The following NEK11 variants were observed in gnomAD, a reference collection of about 807,000 sequenced individuals.
NEK11 encodes the protein serine/threonine-protein kinase Nek11.
In NEK11, 72 loss-of-function variants were observed where a neutral mutation model predicts 80.7. The ratio of observed to expected loss-of-function variants is 0.89; its 90% CI spans 0.74 to 1.08. The LOEUF is 1.08. Among genes scored for constraint, NEK11 ranks in the 50% least tolerant of loss-of-function variants. NEK11 has a pLI of 0.00. For synonymous variants in NEK11, 251 were observed against 260.7 expected, an observed-to-expected ratio of 0.96 and a Z score of 0.36; for missense variants, 764 against 763.6, an observed-to-expected ratio of 1.00 and a Z score of -0.01.
intron 14 of NEK11, among the ~76,000 whole-genome samples, chr3:131,203,305 C>G (rs2094312717): frequency 1.3e-5 from 2 of 151,778 alleles, no homozygotes; most frequent in Admixed American, 6.6e-5. Flanking sequence ...TGGAAACCAT[C>G]ATTCTCAGCA....
At chr3:131,028,722 C>A (rs1274443516) in intron 2 of NEK11, among the ~76,000 whole-genome samples, 1 of 152,050 alleles carries the variant, frequency 6.6e-6, no homozygotes, top group Admixed American at 6.5e-5. Flanking sequence ...CTACAATGCC[C>A]GGCTAATTTT....
intron 17 of NEK11, among the ~76,000 whole-genome samples, chr3:131,338,728 A>C (rs535459645): frequency 4.7e-4 from 71 of 152,336 alleles, no homozygotes; most frequent in African/African-American, 1.7e-3. Flanking sequence ...GTTAATTGAA[A>C]GGCACCAGTT....
rs529376029 is a variant in NEK11, at chr3:131,310,814, ACTGTGCC to A, written c.1718+37243_1718+37249del. Among the ~76,000 whole-genome samples the A allele has an allele frequency of 5.4e-4, 83 of 152,300 alleles. 1 individual carries two copies. The highest frequency in any genetic ancestry group is 4.1e-3 in the South Asian group (20 of 4,828). On this transcript the variant is annotated intron_variant, in intron 17 of 17. Transcript: ENST00000383366. ...ACCTTAGGCAGTTTGCATCACCCAG[ACTGTGCC>A]CTAAAATGAAGGTGTTTCATTTTTT...
At chr3:131,190,205 A>G (rs1458418325) in intron 14 of NEK11, among the ~76,000 whole-genome samples, 1 of 152,218 alleles carries the variant, frequency 6.6e-6, no homozygotes, top group African/African-American at 2.4e-5. Flanking sequence ...CTCAAAAACT[A>G]CTGTTCGAGC....
In NEK11 at chr3:131,107,302, A is replaced by AAGCGATACAT. The variant is rs571492511; in HGVS notation, c.337-2500_337-2491dup. On this transcript the variant is annotated intron_variant, in intron 4 of 17. Transcript: ENST00000383366. Reference sequence around the variant, plus strand: ...ATTGTGCTTATTTTTGGTGTTTTTAAAGCGATACATTGGGTTGACATACGT... The same window carrying AAGCGATACAT: ...ATTGTGCTTATTTTTGGTGTTTTTAAAGCGATACATAGCGATACATTGGGTTGACATACGT... Among the ~76,000 whole-genome samples, 318 of 152,182 alleles carry AAGCGATACAT rather than the reference A, an allele frequency of 2.1e-3. 1 individual carries two copies. The highest frequency in any genetic ancestry group is 7.4e-3 in the African/African-American group (308 of 41,550).
intron 14 of NEK11, chr3:131,175,271 T>C (rs1224157575): frequency 7.1e-6 from 2 of 280,334 alleles, no homozygotes; most frequent in Non-Finnish European, 1.1e-5. Flanking sequence ...TATCTGAAAA[T>C]GCATCTACAA....
chr3:131,283,636 C>T lies in NEK11; in HGVS notation c.1718+10062C>T, dbSNP rs1306136230. On this transcript the variant is annotated intron_variant, in intron 17 of 17. Transcript: ENST00000383366. ...TTCTGTTTCACTGATTGAAGTAACC[C>T]TTTAATGGAGAAACAGATGCAGTGA... 4.6e-5 allele frequency among the ~76,000 whole-genome samples: 7 copies of T among 152,152 alleles called. 1 individual carries two copies. In the South Asian group the frequency reaches 8.3e-4, roughly 18 times the overall value.
intron 17 of NEK11, among the ~76,000 whole-genome samples, chr3:131,316,180 A>C (rs995922339): frequency 2.0e-5 from 3 of 152,200 alleles, no homozygotes; most frequent in Non-Finnish European, 4.4e-5. Context: ...TTTCTACTTA[A>C]ACAGAACTTT....
intron 14 of NEK11, among the ~76,000 whole-genome samples, chr3:131,227,543 C>T (rs1561079515): frequency 6.6e-6 from 1 of 152,070 alleles, no homozygotes; most frequent in Non-Finnish European, 1.5e-5. Flanking sequence ...GATTTTCTGA[C>T]CCCAAATTTC....
intron 17 of NEK11, among the ~76,000 whole-genome samples, chr3:131,322,951 G>A (rs1189934565): frequency 6.6e-6 from 1 of 152,124 alleles, no homozygotes; most frequent in Non-Finnish European, 1.5e-5. Flanking sequence ...AGGAAACTTT[G>A]GAGATTATAT....
intron 17 of NEK11, among the ~76,000 whole-genome samples, chr3:131,336,296 C>G (rs1444790307): frequency 6.6e-6 from 1 of 152,122 alleles, no homozygotes; most frequent in African/African-American, 2.4e-5. Context: ...CAGAACAGAG[C>G]CCTCAGAAAT....
chr3:131,087,235 C>CTT (rs59630167), intron 4 of NEK11, among the ~76,000 whole-genome samples: 1,096 of 81,168 alleles, frequency 0.014, 21 homozygotes, highest in Middle Eastern at 0.021. Flanking sequence ...TATGCAAATT[C>CTT]TTTTTTTTTT....
intron 16 of NEK11, among the ~76,000 whole-genome samples, chr3:131,248,199 C>T (rs1445103830): frequency 1.3e-5 from 2 of 151,990 alleles, no homozygotes; most frequent in African/African-American, 4.8e-5. Context: ...TTCAACTTTT[C>T]CCCATTCAGT....
chr3:131,095,510 T>C (rs1196288634), intron 4 of NEK11, among the ~76,000 whole-genome samples: 2 of 152,082 alleles, frequency 1.3e-5, no homozygotes, highest in Non-Finnish European at 2.9e-5. Context: ...CAAGAAAATT[T>C]TGTTTCCTTT....
intron 3 of NEK11, among the ~76,000 whole-genome samples, chr3:131,033,511 A>G (rs947527139): frequency 1.3e-5 from 2 of 152,226 alleles, no homozygotes; most frequent in Non-Finnish European, 2.9e-5. Flanking sequence ...AGGAATGACA[A>G]TAAGTTTGTA....
chr3:131,108,177 C>G (rs1025640760), intron 4 of NEK11, among the ~76,000 whole-genome samples: 2 of 152,064 alleles, frequency 1.3e-5, no homozygotes, highest in African/African-American at 2.4e-5. Flanking sequence ...AGAGAAAATG[C>G]TAAGCAAATA....
At chr3:131,205,052 G>T (rs968774142) in intron 14 of NEK11, among the ~76,000 whole-genome samples, 12 of 152,178 alleles carry the variant, frequency 7.9e-5, no homozygotes, top group African/African-American at 2.9e-4. Flanking sequence ...AGGAGGCCAA[G>T]TGGACTGGCG....
At chr3:131,288,561 T>G (rs776909943) in intron 17 of NEK11, among the ~76,000 whole-genome samples, 1 of 150,844 alleles carries the variant, frequency 6.6e-6, no homozygotes, top group South Asian at 2.1e-4. Flanking sequence ...CAAGCGATTC[T>G]CCTGCCTCAG....
rs372168125 is a variant in NEK11, at chr3:131,168,940, A to G, written c.1284+3A>G. On this transcript the variant is annotated splice_donor_region_variant and intron_variant, in intron 13 of 17. Transcript: ENST00000383366. ...AGAGGTGGCAAGGCAGGGAAGAGGC[A>G]AGTTTAATCATATTCACAAGCACAA... 20 of 1,609,010 alleles carry G rather than the reference A, an allele frequency of 1.2e-5. No individual in the cohort carries two copies. The African/African-American group carries it at 2.0e-4, about 16-fold the overall frequency.
Sources: allele counts gnomAD v4.1 joint callset (sites outside exome capture counted in the v4.1 genomes callset), GRCh38; gene constraint gnomAD v4.1.1; transcripts MANE v1.5; gene names NCBI Gene and HGNC (gene_info 2026-07-23, HGNC 2026-07-21).